Variants in POU2AF1 observed in about 807,000 individuals in gnomAD.
POU2AF1 encodes the protein POU class 2 homeobox associating factor 1, also known as POU domain class 2-associating factor 1.
In POU2AF1, 12 loss-of-function variants were observed where a neutral mutation model predicts 26.3. The ratio of observed to expected loss-of-function variants is 0.46; its 90% confidence interval spans 0.29 to 0.74. The LOEUF (loss-of-function observed/expected upper bound fraction) is 0.74. Among genes scored for constraint, POU2AF1 ranks in the 30% least tolerant of loss-of-function variants. The probability of loss-of-function intolerance (pLI) is 0.09; values close to 1 mark genes in which losing one functional copy is unlikely to be tolerated. For missense variants in POU2AF1, 297 were observed against 334.5 expected (o/e 0.89, Z 0.87); for synonymous variants, 175 against 148.0 (o/e 1.18, Z -1.32).
At chr11:111,378,024 C>T (rs1285765666) in intron 1 of POU2AF1, among the ~76,000 whole-genome samples, 1 of 152,180 alleles carries the variant, frequency 6.6e-6, no homozygotes, top group Admixed American at 6.5e-5. Context: ...TTTGAAATCA[C>T]TCTTCTGTGT....
chr11:111,361,645 C>G (rs1861011113), intron 1 of POU2AF1, among the ~76,000 whole-genome samples: 1 of 152,188 alleles, frequency 6.6e-6, no homozygotes, highest in Admixed American at 6.5e-5. Context: ...TCAGACAGCT[C>G]TTCCTCCTAC....
At chr11:111,378,633 C>T (rs576922231) in intron 1 of POU2AF1, among the ~76,000 whole-genome samples, 1 of 151,836 alleles carries the variant, frequency 6.6e-6, no homozygotes, top group South Asian at 2.1e-4. Flanking sequence ...AGTGAGGACA[C>T]GCTTCACCGA....
intron 1 of POU2AF1, among the ~76,000 whole-genome samples, chr11:111,366,263 T>C (rs1815946): frequency 0.66 from 100,082 of 152,052 alleles, 33,626 homozygotes; most frequent in Admixed American, 0.77. Context: ...ACTGAGAGGA[T>C]CCTGCAGCCA....
At chr11:111,379,110 C>T in intron 1 of POU2AF1, 52 bp downstream of exon 1, 2 of 1,612,858 alleles carry the variant, frequency 1.2e-6, no homozygotes, top group Non-Finnish European at 1.7e-6. Flanking sequence ...CTGTGATCGC[C>T]CTGCCCCGCT....
At chr11:111,368,521 C>T (rs924243557) in intron 1 of POU2AF1, among the ~76,000 whole-genome samples, 3 of 152,086 alleles carry the variant, frequency 2.0e-5, no homozygotes, top group African/African-American at 7.2e-5. Context: ...GAGTCTCGAG[C>T]GTGACTTGCT....
chr11:111,366,811 C>A (rs1202433414), intron 1 of POU2AF1, among the ~76,000 whole-genome samples: 2 of 152,066 alleles, frequency 1.3e-5, no homozygotes, highest in Non-Finnish European at 2.9e-5. Flanking sequence ...AGCCACAGAG[C>A]CCCAGACAAA....
Position 111,357,799 on chromosome 11 carries a change from T to G in POU2AF1, c.186A>C (p.Thr62=), listed in dbSNP as rs1328352320. The G allele has an allele frequency of 1.9e-6, 3 of 1,613,034 alleles. No homozygotes were observed. The highest frequency in any genetic ancestry group is 2.5e-6 in the Non-Finnish European group (3 of 1,179,646). The change falls in exon 3 of 5, where the codon ACA becomes ACC. Residue 62 remains threonine, a synonymous_variant. Transcript: ENST00000393067. ...LPHQPLATYT[T]VGPSCLDMEG... ...AGGGCTACGGGGCACTCTTACCCAC[T>G]GTGGTGTAGGTCGCCAGGGGCTGAT...
chr11:111,358,599 C>A (rs1057204507), intron 2 of POU2AF1, among the ~76,000 whole-genome samples, 189 bp downstream of exon 2: 1 of 103,398 alleles, frequency 9.7e-6, no homozygotes, highest in African/African-American at 2.8e-5. Flanking sequence ...CACACACATA[C>A]ACTCTCACAC....
At chr11:111,367,053 G>T (rs900321394) in intron 1 of POU2AF1, among the ~76,000 whole-genome samples, 2 of 152,130 alleles carry the variant, frequency 1.3e-5, no homozygotes, top group African/African-American at 2.4e-5. Context: ...CCCCACAACC[G>T]CAGGTAGGGG....
At chr11:111,377,396 AAC>A (rs1262793519) in intron 1 of POU2AF1, among the ~76,000 whole-genome samples, 1 of 152,038 alleles carries the variant, frequency 6.6e-6, no homozygotes, top group Non-Finnish European at 1.5e-5. Context: ...CAAACAAACA[AAC>A]AAAAAAAGTC....
At chr11:111,357,194 A>C (rs1416864005) in intron 4 of POU2AF1, among the ~76,000 whole-genome samples, 2 of 152,166 alleles carry the variant, frequency 1.3e-5, no homozygotes, top group African/African-American at 4.8e-5. Flanking sequence ...GATTTAGAAC[A>C]GGGAATCAGA....
chr11:111,377,557 C>A (rs1374487605), intron 1 of POU2AF1, among the ~76,000 whole-genome samples: 3 of 152,176 alleles, frequency 2.0e-5, no homozygotes, highest in Non-Finnish European at 4.4e-5. Context: ...TGGCACCTCA[C>A]TTACTAAGGA....
Position 111,354,456 on chromosome 11 carries a change from C to A in POU2AF1, c.576G>T (p.Gln192His), listed in dbSNP as rs776550716. The change falls in exon 5 of 5, where the codon CAG becomes CAT. Residue 192 changes from glutamine to histidine, a missense_variant. Gln to His is a conservative substitution (Grantham distance 24). Coordinates refer to ENST00000393067, the MANE Select transcript of POU2AF1 (RefSeq NM_006235.3). ...PLSTLPTSTLQYQPPAPALPG... is the reference protein window; with the variant it reads ...PLSTLPTSTLHYQPPAPALPG... Reference sequence around the variant, plus strand: ...GTAGGGCTGGGGCCGGAGGCTGGTACTGCAGGGTGGAGGTGGGTAGTGTGG... The same window carrying A: ...GTAGGGCTGGGGCCGGAGGCTGGTAATGCAGGGTGGAGGTGGGTAGTGTGG... 6.2e-7 allele frequency: 1 copy of A among 1,613,588 alleles called. No homozygotes were observed. Among genetic ancestry groups the A allele is most frequent in the Non-Finnish European group, 8.5e-7 (1 of 1,179,792 alleles).
chr11:111,358,569 C>T (rs118165625), intron 2 of POU2AF1, among the ~76,000 whole-genome samples: 2,189 of 147,470 alleles, frequency 0.015, 16 homozygotes, highest in Non-Finnish European at 0.022. Flanking sequence ...TGCATACACT[C>T]ACACACTCAC....
intron 1 of POU2AF1, among the ~76,000 whole-genome samples, chr11:111,375,520 C>A (rs1182541637): frequency 6.6e-6 from 1 of 150,974 alleles, no homozygotes; most frequent in Non-Finnish European, 1.5e-5. Flanking sequence ...CCTCAGCCTC[C>A]CGAGTAGCTG....
At chr11:111,356,998 C>T (rs1025219763) in intron 4 of POU2AF1, among the ~76,000 whole-genome samples, 2 of 152,224 alleles carry the variant, frequency 1.3e-5, no homozygotes, top group African/African-American at 4.8e-5. Flanking sequence ...AAAATATCAC[C>T]TGTTGTTCAG....
intron 1 of POU2AF1, among the ~76,000 whole-genome samples, chr11:111,362,765 G>GT (rs1861035102): frequency 1.8e-5 from 2 of 114,200 alleles, no homozygotes; most frequent in Admixed American, 9.0e-5. Flanking sequence ...GGGGTTACTT[G>GT]GGGGGGTCTG....
chr11:111,375,929 G>T (rs7950136), intron 1 of POU2AF1, among the ~76,000 whole-genome samples: 7,409 of 152,288 alleles, frequency 0.049, 225 homozygotes, highest in Middle Eastern at 0.15. Context: ...GGAGTGGCAG[G>T]CCTGATTTGG....
intron 1 of POU2AF1, among the ~76,000 whole-genome samples, chr11:111,364,937 G>A (rs1861076797): frequency 6.6e-6 from 1 of 152,248 alleles, no homozygotes; most frequent in South Asian, 2.1e-4. Context: ...TTAGGCAGCT[G>A]GAGGAGGCAA....
Sources: gnomAD v4.1 joint callset for allele counts (sites outside exome capture counted in the v4.1 genomes callset) on GRCh38, gnomAD v4.1.1 for gene constraint, MANE v1.5 for transcripts, NCBI Gene and HGNC (gene_info 2026-07-23, HGNC 2026-07-21) for gene names.